RAPGEF6: variants seen among roughly 807,000 people sequenced by gnomAD.
RAPGEF6 encodes the protein Rap guanine nucleotide exchange factor 6.
In RAPGEF6, 56 loss-of-function variants were observed where a neutral mutation model predicts 171.4. That is an observed-to-expected ratio of 0.33 (90% CI 0.26 to 0.41). RAPGEF6 has a LOEUF of 0.41. Ranked by LOEUF, RAPGEF6 falls within the 10% of genes least tolerant of loss-of-function variation. The pLI, the probability that RAPGEF6 is intolerant of heterozygous loss-of-function variation, is 1.00. For missense variants in RAPGEF6, 1,674 were observed against 1,921.4 expected (o/e 0.87, Z 2.41); for synonymous variants, 692 against 650.1 (o/e 1.06, Z -0.98).
chr5:131,526,113 G>A (rs1758856732), intron 6 of RAPGEF6, among the ~76,000 whole-genome samples: 1 of 152,094 alleles, frequency 6.6e-6, no homozygotes, highest in Non-Finnish European at 1.5e-5. Flanking sequence ...AAACATATGG[G>A]CCCTGCCTTC....
intron 1 of RAPGEF6, among the ~76,000 whole-genome samples, chr5:131,616,234 T>C (rs902809883): frequency 5.3e-5 from 8 of 152,322 alleles, no homozygotes; most frequent in Middle Eastern, 3.4e-3. Flanking sequence ...ACAGCTGCCA[T>C]TGTATAACAA....
intron 1 of RAPGEF6, among the ~76,000 whole-genome samples, chr5:131,624,920 C>T (rs1190576572): frequency 2.0e-5 from 3 of 151,752 alleles, no homozygotes; most frequent in Admixed American, 6.6e-5. Context: ...GTCGGGAGTT[C>T]GAGACCAGCC....
intron 22 of RAPGEF6, among the ~76,000 whole-genome samples, chr5:131,445,521 T>TGTGTGTGTG (rs1752632265): frequency 3.8e-5 from 3 of 79,478 alleles, no homozygotes; most frequent in African/African-American, 2.5e-4. Flanking sequence ...GTGTGTGTAT[T>TGTGTGTGTG]TATTTTTTAG....
At chr5:131,611,811 T>C (rs1330766682) in intron 1 of RAPGEF6, among the ~76,000 whole-genome samples, 2 of 152,252 alleles carry the variant, frequency 1.3e-5, no homozygotes, top group Non-Finnish European at 2.9e-5. Flanking sequence ...AGATTATTTT[T>C]GATTCTCTGC....
At chr5:131,550,834 G>T (rs569676106) in intron 5 of RAPGEF6, among the ~76,000 whole-genome samples, 3 of 152,048 alleles carry the variant, frequency 2.0e-5, no homozygotes, top group African/African-American at 4.8e-5. Flanking sequence ...TTCCCTCTTT[G>T]CCAGCATATT....
chr5:131,494,355 A>C (rs1756484976), intron 13 of RAPGEF6, among the ~76,000 whole-genome samples: 1 of 152,240 alleles, frequency 6.6e-6, no homozygotes, highest in African/African-American at 2.4e-5. Context: ...AAATGAATTC[A>C]CGAACAGCTA....
chr5:131,627,191 G>A (rs1172040089), intron 1 of RAPGEF6, among the ~76,000 whole-genome samples: 2 of 152,208 alleles, frequency 1.3e-5, no homozygotes, highest in Non-Finnish European at 2.9e-5. Context: ...GAAGGAAGAG[G>A]AATAATGATG....
At chr5:131,483,462 T>TA (rs1203974855) in intron 15 of RAPGEF6, among the ~76,000 whole-genome samples, 2 of 150,968 alleles carry the variant, frequency 1.3e-5, no homozygotes, top group East Asian at 1.9e-4. Context: ...TGCGTTAAAT[T>TA]AAAAAAAATA....
chr5:131,504,336 C>T (rs1757209347), intron 11 of RAPGEF6, among the ~76,000 whole-genome samples: 1 of 152,014 alleles, frequency 6.6e-6, no homozygotes. Flanking sequence ...GTGGTGCATG[C>T]CTGTAATCTC....
chr5:131,510,513 A>G (rs1322372740), intron 7 of RAPGEF6, 22 bp from the exon 8 acceptor site: 3 of 1,599,564 alleles, frequency 1.9e-6, no homozygotes, highest in Non-Finnish European at 2.6e-6. Flanking sequence ...AATCTTGATC[A>G]CTTACCATTT....
At chr5:131,509,107 T>G (rs997159267) in intron 8 of RAPGEF6, among the ~76,000 whole-genome samples, 4 of 152,190 alleles carry the variant, frequency 2.6e-5, no homozygotes, top group Admixed American at 1.3e-4. Flanking sequence ...AAATCTTAAT[T>G]AAATCCTAAC....
At chr5:131,577,273 T>A (rs1343607492) in intron 4 of RAPGEF6, among the ~76,000 whole-genome samples, 1 of 152,166 alleles carries the variant, frequency 6.6e-6, no homozygotes, top group Non-Finnish European at 1.5e-5. Context: ...CCTACCATCC[T>A]AAATCTTCAG....
At chr5:131,524,720 T>C (rs1016189465) in intron 6 of RAPGEF6, among the ~76,000 whole-genome samples, 3 of 151,960 alleles carry the variant, frequency 2.0e-5, no homozygotes, top group African/African-American at 7.3e-5. Context: ...GGTTTGAGTG[T>C]TCCTTTTGCC....
At chr5:131,612,201 ATTT>A (rs35306366) in intron 1 of RAPGEF6, among the ~76,000 whole-genome samples, 1 of 83,328 alleles carries the variant, frequency 1.2e-5, no homozygotes. Context: ...TGCTCAGCTA[ATTT>A]TTTTTTTTTT....
intron 5 of RAPGEF6, among the ~76,000 whole-genome samples, chr5:131,550,132 A>G (rs2149952280): frequency 6.6e-6 from 1 of 152,138 alleles, no homozygotes; most frequent in East Asian, 1.9e-4. Flanking sequence ...CATTCCCATT[A>G]CCACCTCCCC....
intron 5 of RAPGEF6, among the ~76,000 whole-genome samples, chr5:131,552,054 CCAGA>C (rs1561556366): frequency 6.6e-6 from 1 of 152,068 alleles, no homozygotes; most frequent in Non-Finnish European, 1.5e-5. Context: ...CCTTGATCTA[CCAGA>C]CAGTTTCTGT....
At position 131,535,426 on chromosome 5, in the gene RAPGEF6, A is replaced by G. The variant is rs1252888513; in HGVS notation, c.495+12621T>C. Among the ~76,000 whole-genome samples, 3 of 152,204 alleles carry G rather than the reference A, an allele frequency of 2.0e-5. No homozygotes were observed. In the East Asian group the frequency reaches 5.8e-4, roughly 29 times the overall value. ...CCTATTTTTCCCTTGCATCACTTTT[A>G]GAATTTTATCACGATCTCATCTCAT... On this transcript the variant is annotated intron_variant, in intron 6 of 27. Coordinates refer to ENST00000509018, the MANE Select transcript of RAPGEF6 (RefSeq NM_016340.6).
chr5:131,443,713 T>A (rs1411947213), intron 22 of RAPGEF6, among the ~76,000 whole-genome samples: 2 of 152,184 alleles, frequency 1.3e-5, no homozygotes, highest in Admixed American at 6.5e-5. Context: ...AGTCCTATAC[T>A]CTCATTAGGC....
chr5:131,604,504 T>C, intron 2 of RAPGEF6, 119 bp downstream of exon 2: 1 of 1,124,208 alleles, frequency 8.9e-7, no homozygotes, highest in Non-Finnish European at 1.3e-6. Context: ...ATCTAATCTA[T>C]AATGCATATA....
Sources: gnomAD v4.1 joint callset for allele counts (sites outside exome capture counted in the v4.1 genomes callset) on GRCh38, gnomAD v4.1.1 for gene constraint, MANE v1.5 for transcripts, NCBI Gene and HGNC (gene_info 2026-07-23, HGNC 2026-07-21) for gene names.